The following TNIK variants were observed in gnomAD, a reference collection of about 807,000 sequenced individuals.
TNIK encodes the protein TRAF2 and NCK interacting kinase.
Under a neutral mutation model 191.3 loss-of-function variants are expected in TNIK, and 49 were observed. The ratio of observed to expected loss-of-function variants is 0.26; its 90% CI spans 0.20 to 0.32. TNIK has a LOEUF of 0.32. TNIK is among the 10% of genes least tolerant of loss of function. The pLI, the probability that TNIK is intolerant of heterozygous loss-of-function variation, is 1.00. For synonymous variants in TNIK, 594 were observed against 600.9 expected (o/e 0.99, Z 0.17); for missense variants, 1,155 against 1,702.3 (o/e 0.68, Z 5.66).
intron 4 of TNIK, among the ~76,000 whole-genome samples, chr3:171,205,467 A>G (rs2108886605): frequency 6.6e-6 from 1 of 152,312 alleles, no homozygotes; most frequent in East Asian, 1.9e-4. Context: ...ACATTTTGTT[A>G]CCTGCAGTTA....
intron 19 of TNIK, 44 bp downstream of exon 19, chr3:171,110,669 TC>T: frequency 6.5e-7 from 1 of 1,529,272 alleles, no homozygotes; most frequent in Non-Finnish European, 8.8e-7. Context: ...TCCACAGCTT[TC>T]CTCCCAGGCA....
At chr3:171,426,533 A>G (rs995761689) in intron 1 of TNIK, among the ~76,000 whole-genome samples, 20 of 152,018 alleles carry the variant, frequency 1.3e-4, no homozygotes, top group African/African-American at 4.6e-4. Flanking sequence ...GTGCACATGT[A>G]CCCTAGAACT....
At chr3:171,364,884 C>T (rs539115077) in intron 2 of TNIK, among the ~76,000 whole-genome samples, 1 of 151,832 alleles carries the variant, frequency 6.6e-6, no homozygotes, top group African/African-American at 2.4e-5. Context: ...ACTTTAAAGA[C>T]CCTGAAGTGA....
chr3:171,446,559 T>G (rs553503682), intron 1 of TNIK, among the ~76,000 whole-genome samples: 2 of 152,354 alleles, frequency 1.3e-5, no homozygotes, highest in South Asian at 4.1e-4. Context: ...GTTTCTTACT[T>G]ATAAACCAGG....
At chr3:171,121,171 C>T (rs759577437) in intron 18 of TNIK, among the ~76,000 whole-genome samples, 13 of 152,156 alleles carry the variant, frequency 8.5e-5, no homozygotes, top group Non-Finnish European at 1.3e-4. Context: ...TACAGGAAAG[C>T]TTGGAAGCAC....
At chr3:171,282,097 A>T (rs1182573372) in intron 2 of TNIK, among the ~76,000 whole-genome samples, 1 of 152,208 alleles carries the variant, frequency 6.6e-6, no homozygotes, top group Non-Finnish European at 1.5e-5. Context: ...GGGCTAGAAG[A>T]AATCATCCAG....
At chr3:171,226,871 A>T (rs180751466) in intron 3 of TNIK, among the ~76,000 whole-genome samples, 2 of 152,292 alleles carry the variant, frequency 1.3e-5, no homozygotes, top group African/African-American at 4.8e-5. Context: ...ATACTTATCT[A>T]AGGTAACAAA....
At position 171,232,162 on chromosome 3, in the gene TNIK, A is replaced by G. The variant is rs537637172; in HGVS notation, c.124-3941T>C. 2.6e-5 allele frequency among the ~76,000 whole-genome samples: 4 copies of G among 152,234 alleles called. No individual in the cohort carries two copies. In the South Asian group the frequency reaches 8.3e-4, roughly 32 times the overall value. ...CTTATAAGAGAAATTTAAAATACAA[A>G]TATAGACACCATCTAAATTTAGATC... is the stretch of plus-strand genomic sequence containing the variant. On this transcript the variant is annotated intron_variant, in intron 2 of 32. Transcript: ENST00000436636.
At chr3:171,373,897 A>G (rs936094962) in intron 1 of TNIK, among the ~76,000 whole-genome samples, 2 of 152,298 alleles carry the variant, frequency 1.3e-5, no homozygotes, top group Admixed American at 6.5e-5. Flanking sequence ...CTGCAGCCGC[A>G]ATATGTTGTG....
intron 2 of TNIK, among the ~76,000 whole-genome samples, chr3:171,307,529 C>T (rs542309433): frequency 3.3e-5 from 5 of 152,242 alleles, no homozygotes; most frequent in East Asian, 3.9e-4. Flanking sequence ...TATTGAATTT[C>T]GTTCTTTGTT....
chr3:171,258,121 G>GT (rs1250701571), intron 2 of TNIK, among the ~76,000 whole-genome samples: 3 of 152,100 alleles, frequency 2.0e-5, no homozygotes, highest in Non-Finnish European at 4.4e-5. Flanking sequence ...AATGAAAAGC[G>GT]TATGTGTCAT....
At chr3:171,323,589 T>C (rs1755410825) in intron 2 of TNIK, among the ~76,000 whole-genome samples, 1 of 152,148 alleles carries the variant, frequency 6.6e-6, no homozygotes, top group Non-Finnish European at 1.5e-5. Flanking sequence ...CACCCCAATA[T>C]GTTCATTACA....
At chr3:171,211,867 C>G (rs1039363982) in intron 3 of TNIK, among the ~76,000 whole-genome samples, 2 of 152,146 alleles carry the variant, frequency 1.3e-5, no homozygotes, top group Non-Finnish European at 2.9e-5. Context: ...AGAGACAACT[C>G]TCTTACAGAG....
chr3:171,145,091 T>C lies in TNIK; in HGVS notation c.1222-4582A>G, dbSNP rs894185774. On this transcript the variant is annotated intron_variant, in intron 12 of 32. Transcript: ENST00000436636. Reference sequence around the variant, plus strand: ...AAAGGAGCACAGCTATCTCTCTCTTTTTTTTTTTTTTTTGAGATGGAGTCT... The same window carrying C: ...AAAGGAGCACAGCTATCTCTCTCTTCTTTTTTTTTTTTTGAGATGGAGTCT... Among the ~76,000 whole-genome samples, 127 of 148,986 alleles carry C rather than the reference T, an allele frequency of 8.5e-4. 1 individual carries two copies. The highest frequency in any genetic ancestry group is 2.7e-3 in the African/African-American group (110 of 40,728).
At chr3:171,361,529 G>T (rs1273489170) in intron 2 of TNIK, among the ~76,000 whole-genome samples, 2 of 152,028 alleles carry the variant, frequency 1.3e-5, no homozygotes, top group Non-Finnish European at 2.9e-5. Context: ...AAACAACTTG[G>T]GGATCTATGA....
At chr3:171,313,741 G>A (rs958418816) in intron 2 of TNIK, among the ~76,000 whole-genome samples, 2 of 152,162 alleles carry the variant, frequency 1.3e-5, no homozygotes, top group Non-Finnish European at 2.9e-5. Context: ...CACGAGAGCT[G>A]CACTGAGTCC....
chr3:171,246,998 G>A (rs906371159), intron 2 of TNIK, among the ~76,000 whole-genome samples: 4 of 152,242 alleles, frequency 2.6e-5, no homozygotes, highest in African/African-American at 9.6e-5. Flanking sequence ...ACTGGCCAAT[G>A]TATGAGGAAG....
chr3:171,273,908 C>G (rs530247556), intron 2 of TNIK, among the ~76,000 whole-genome samples: 1 of 152,294 alleles, frequency 6.6e-6, no homozygotes, highest in African/African-American at 2.4e-5. Context: ...TTTAAACTTT[C>G]ATGAAGAAGC....
chr3:171,438,447 G>A (rs949704138), intron 1 of TNIK, among the ~76,000 whole-genome samples: 5 of 152,232 alleles, frequency 3.3e-5, no homozygotes, highest in African/African-American at 1.2e-4. Context: ...TGGGGATGCA[G>A]GATCCAAACA....
Sources: allele counts gnomAD v4.1 joint callset (sites outside exome capture counted in the v4.1 genomes callset), GRCh38; gene constraint gnomAD v4.1.1; transcripts MANE v1.5; gene names NCBI Gene and HGNC (gene_info 2026-07-23, HGNC 2026-07-21).